Variants in SCN3A observed in about 807,000 individuals in gnomAD.
SCN3A encodes the protein sodium voltage-gated channel alpha subunit 3.
Under a neutral mutation model 187.6 loss-of-function variants are expected in SCN3A, and 60 were observed. That is an observed-to-expected ratio of 0.32 (90% CI 0.26 to 0.40). The LOEUF (loss-of-function observed/expected upper bound fraction) is 0.40, where lower values mean the gene tolerates loss of function less well. SCN3A is among the 10% of genes least tolerant of loss of function. The pLI is 1.00. For synonymous variants in SCN3A, 788 were observed against 829.2 expected (o/e 0.95, Z 0.85); for missense variants, 1,601 against 2,428.2 (o/e 0.66, Z 7.16).
chr2:165,180,428 G>A (rs1431169809), intron 2 of SCN3A, among the ~76,000 whole-genome samples: 1 of 152,166 alleles, frequency 6.6e-6, no homozygotes, highest in Non-Finnish European at 1.5e-5. Context: ...GGAAGGGAGA[G>A]AGAGGTATGG....
intron 21 of SCN3A, among the ~76,000 whole-genome samples, chr2:165,105,567 C>A (rs991488100): frequency 7.9e-5 from 12 of 152,064 alleles, no homozygotes; most frequent in African/African-American, 2.9e-4. Flanking sequence ...TAGCAGAGAG[C>A]TCTAGTGAAG....
chr2:165,109,542 A>G (rs747905977), intron 21 of SCN3A, among the ~76,000 whole-genome samples: 2 of 152,196 alleles, frequency 1.3e-5, no homozygotes, highest in Admixed American at 6.5e-5. Flanking sequence ...ACGGTGAAAG[A>G]AAATCCATTT....
intron 11 of SCN3A, among the ~76,000 whole-genome samples, chr2:165,152,849 A>G (rs1427390826): frequency 6.6e-6 from 1 of 152,146 alleles, no homozygotes; most frequent in Non-Finnish European, 1.5e-5. Flanking sequence ...GCAGCACACC[A>G]ACATGGCACA....
In SCN3A at chr2:165,097,254, C is replaced by A. The variant is rs779653084; in HGVS notation, c.4237G>T (p.Val1413Leu). The A allele has an allele frequency of 6.2e-7, 1 of 1,614,046 alleles. No homozygotes were observed. ...VGAGYLALLQ[V>L]ATFKGWMDIM... is the part of the protein sequence containing the mutation. Reference sequence around the variant, plus strand: ...AAACTCGTACAGTAGCCACTTACCACTTGAAGCAGTGCAAGATAGCCAGCG... The same window carrying A: ...AAACTCGTACAGTAGCCACTTACCAATTGAAGCAGTGCAAGATAGCCAGCG... Residue 1413 changes from valine (V) to leucine (L), a missense_variant and splice_region_variant, in exon 23 of 28, where the codon GTG becomes TTG. Val to Leu is a conservative substitution (Grantham distance 32, BLOSUM62 1). Transcript: ENST00000283254.
intron 18 of SCN3A, chr2:165,122,758 C>T (rs1686771056): frequency 6.6e-6 from 1 of 152,156 alleles, no homozygotes; most frequent in African/African-American, 2.4e-5. Context: ...GAGTAGCATG[C>T]AGGCCAGTCA....
In SCN3A at chr2:165,137,845, C is replaced by T. The variant is rs763115020; in HGVS notation, c.2391+34G>A. 1.1e-5 allele frequency: 16 copies of T among 1,519,254 alleles called. No homozygotes were observed. In the South Asian group the frequency reaches 1.8e-4, roughly 17 times the overall value. 94.1% of individuals were successfully genotyped at this position (1,519,254 alleles called of 1,614,324 possible). A position where few individuals can be genotyped will look rare whatever the true frequency, so the allele number is the denominator to read the frequency against. ...CTTTGGTCTATCTCTCCCACATCTA[C>T]CAAAGTAAATAAGTAAACTTCAAAT... On this transcript the variant is annotated intron_variant, in intron 15 of 27. Transcript: ENST00000283254.
At chr2:165,121,758 G>T (rs148957283) in intron 18 of SCN3A, among the ~76,000 whole-genome samples, 9 of 152,026 alleles carry the variant, frequency 5.9e-5, no homozygotes, top group Admixed American at 2.0e-4. Context: ...CCCAGAACCC[G>T]CACTCTGGCT....
At position 165,090,993 on chromosome 2, in the gene SCN3A, A is replaced by G. The variant is rs373240566; in HGVS notation, c.5160T>C (p.Asn1720=). ...CAGGGTCACAGTCGGGTGGTGCACT[A>G]TTAAGAATAGGTGCTAGCAATCCAT... ...GWDGLLAPIL[N]SAPPDCDPDT... is the part of the protein sequence containing the mutation. Residue 1720 remains asparagine (N), a synonymous_variant, in exon 28 of 28, where the codon AAT becomes AAC. Coordinates refer to ENST00000283254, the MANE Select transcript of SCN3A (RefSeq NM_006922.4). This position sits in a 1 kb window ranked among gnomAD's most constrained non-coding sequence, Gnocchi z 4.0. 1.2e-6 allele frequency: 2 copies of G among 1,614,034 alleles called. No homozygotes were observed. The highest frequency in any genetic ancestry group is 2.2e-5 in the East Asian group (1 of 44,886).
Position 165,097,462 on chromosome 2 carries a change from G to C in SCN3A, c.4029C>G (p.Leu1343=), listed in dbSNP as rs751721314. ...TGATGCTAAAGATCAACCAGAAGAT[G>C]AGACAGACCAACAGCACATTCATGA... The part of the protein sequence containing the change: ...PSIMNVLLVC[L]IFWLIFSIMG... The change falls in exon 23 of 28, where the codon CTC becomes CTG. Residue 1343 remains leucine (L), a synonymous_variant. Transcript: ENST00000283254. The C allele has an allele frequency of 2.5e-6, 4 of 1,614,070 alleles. No individual in the cohort carries two copies. The highest frequency in any genetic ancestry group is 3.4e-6 in the Non-Finnish European group (4 of 1,179,990).
chr2:165,137,775 G>A, intron 15 of SCN3A, 104 bp downstream of exon 15: 1 of 847,162 alleles, frequency 1.2e-6, no homozygotes, highest in Non-Finnish European at 2.1e-6. Context: ...TATGAGGAAA[G>A]AGGATATAAT....
intron 24 of SCN3A, among the ~76,000 whole-genome samples, chr2:165,095,895 C>T (rs902558023): frequency 4.6e-5 from 7 of 151,818 alleles, no homozygotes; most frequent in African/African-American, 1.5e-4. Context: ...AACATAAATA[C>T]GGTGATATAA....
rs56124029 is a variant in SCN3A, at chr2:165,162,126, T to A, written c.1031+182A>T. 0.23 allele frequency among the ~76,000 whole-genome samples: 34,345 copies of A among 151,932 alleles called. 5,059 individuals are homozygous for A. Among genetic ancestry groups the A allele is most frequent in the East Asian group, 0.52 (2,668 of 5,138 alleles). On this transcript the variant is annotated intron_variant, in intron 9 of 27. Coordinates refer to ENST00000283254, the MANE Select transcript of SCN3A (RefSeq NM_006922.4). ...GTCTTCACAAAGGGATAATTTTTAA[T>A]TGCTGTGAGTTTAGGACCAGTGGCA...
At chr2:165,155,542 G>C (rs1688967669) in intron 10 of SCN3A, among the ~76,000 whole-genome samples, 1 of 152,082 alleles carries the variant, frequency 6.6e-6, no homozygotes, top group Non-Finnish European at 1.5e-5. Flanking sequence ...TAGGGCTACA[G>C]ATGGGCGCCA....
chr2:165,100,293 TC>T lies in SCN3A; in HGVS notation c.3966+8del, dbSNP rs1484081240. On this transcript the variant is annotated splice_region_variant and intron_variant, in intron 22 of 27. Transcript: ENST00000283254. ...TGACATGAATAATTAGAGTGTCTAT[TC>T]TTCTTACCCTCATGCCTTCAAACCG... 1.0e-4 allele frequency: 169 copies of T among 1,613,272 alleles called. No individual in the cohort carries two copies. Among genetic ancestry groups the T allele is most frequent in the Non-Finnish European group, 1.4e-4 (167 of 1,179,522 alleles).
At chr2:165,093,741 T>G (rs1685224010) in intron 26 of SCN3A, 1 of 152,378 alleles carries the variant, frequency 6.6e-6, no homozygotes, top group Non-Finnish European at 1.5e-5. Flanking sequence ...AAGTCCCAGT[T>G]CTGGCAATTA....
chr2:165,197,864 G>C (rs1692065377), intron 1 of SCN3A, among the ~76,000 whole-genome samples: 1 of 151,882 alleles, frequency 6.6e-6, no homozygotes, highest in Non-Finnish European at 1.5e-5. Flanking sequence ...AAGATCAATA[G>C]TAGAAACTAA....
intron 1 of SCN3A, among the ~76,000 whole-genome samples, chr2:165,197,394 A>T (rs1692029957): frequency 6.6e-6 from 1 of 152,102 alleles, no homozygotes; most frequent in Non-Finnish European, 1.5e-5. Flanking sequence ...GCAAATATTG[A>T]TACCCAGATT....
chr2:165,191,060 G>GTT (rs58901959), intron 1 of SCN3A, among the ~76,000 whole-genome samples: 12,336 of 113,400 alleles, frequency 0.11, 876 homozygotes, highest in Non-Finnish European at 0.16. Flanking sequence ...ATTTTACGTT[G>GTT]TTTTTTTTTT....
At chr2:165,148,321 A>G (rs1688476535) in intron 11 of SCN3A, among the ~76,000 whole-genome samples, 1 of 151,442 alleles carries the variant, frequency 6.6e-6, no homozygotes, top group African/African-American at 2.4e-5. Flanking sequence ...TCAAGACATC[A>G]TAAAAGACTT....
Sources: gnomAD v4.1 joint callset for allele counts (sites outside exome capture counted in the v4.1 genomes callset) on GRCh38, gnomAD v4.1.1 for gene constraint, Gnocchi (gnomAD v3.1) non-coding constraint, MANE v1.5 for transcripts, NCBI Gene and HGNC (gene_info 2026-07-23, HGNC 2026-07-21) for gene names.